The following ATP2A2 variants were observed in gnomAD, a reference collection of about 807,000 sequenced individuals.
ATP2A2 encodes the protein ATPase sarcoplasmic/endoplasmic reticulum Ca2+ transporting 2.
A neutral mutation model predicts 109.3 loss-of-function variants in ATP2A2; 14 were observed. The ratio of observed to expected loss-of-function variants is 0.13; its 90% CI spans 0.08 to 0.20. ATP2A2 has a LOEUF of 0.20. Among genes scored for constraint, ATP2A2 ranks in the 10% least tolerant of loss-of-function variants. The pLI, the probability that ATP2A2 is intolerant of heterozygous loss-of-function variation, is 1.00. For synonymous variants in ATP2A2, 506 were observed against 490.9 expected (o/e 1.03, Z -0.41); for missense variants, 657 against 1,321.6 (o/e 0.50, Z 7.80).
intron 11 of ATP2A2, among the ~76,000 whole-genome samples, chr12:110,334,613 G>C (rs1878659732): frequency 8.5e-6 from 1 of 117,036 alleles, no homozygotes. Flanking sequence ...TTTTGAGACA[G>C]AGTTTCTCTC....
rs573195762 is a variant in ATP2A2 at position 110,326,317 on chromosome 12, G to T, written c.545-73G>T. On this transcript the variant is annotated intron_variant, in intron 6 of 19. Transcript: ENST00000539276. ...GTATCCCAAGAGTGGTAATGGGTGG[G>T]CATGAATGAGAGGTTCTAGGTTCTT... 7.5e-6 allele frequency: 10 copies of T among 1,339,128 alleles called. No homozygotes were observed. The South Asian group carries it at 1.2e-4, about 16-fold the overall frequency. The allele number at this position is 1,339,128 out of a possible 1,614,324, so 83.0% of individuals were successfully genotyped here.
At chr12:110,289,992 A>G (rs1462564953) in intron 3 of ATP2A2, among the ~76,000 whole-genome samples, 1 of 152,178 alleles carries the variant, frequency 6.6e-6, no homozygotes, top group Non-Finnish European at 1.5e-5. Context: ...TGTATGAGCT[A>G]AAAGTTTAAA....
At chr12:110,335,514 CA>C (rs1388175304) in intron 11 of ATP2A2, among the ~76,000 whole-genome samples, 1 of 151,222 alleles carries the variant, frequency 6.6e-6, no homozygotes, top group Non-Finnish European at 1.5e-5. Context: ...GACCCCATCT[CA>C]AAAAAAAATT....
Position 110,347,544 on chromosome 12 carries a change from T to C in ATP2A2, c.*1074T>C, listed in dbSNP as rs1319346791. ...TATGCAAGTTTCTGCTGGCCTGGTA[T>C]AGAGAACATAAGGGCAAGTGTGTAT... On this transcript the variant is annotated 3_prime_UTR_variant, in exon 20 of 20. Transcript: ENST00000539276. 2 of 1,287,948 alleles carry C rather than the reference T, an allele frequency of 1.6e-6. No homozygotes were observed. Among genetic ancestry groups the C allele is most frequent in the Non-Finnish European group, 2.0e-6 (2 of 987,724 alleles). 79.8% of individuals were successfully genotyped at this position (1,287,948 alleles called of 1,614,324 possible).
rs560785647 is a variant in ATP2A2 at position 110,342,356 on chromosome 12, T to C, written c.2226T>C (p.Ile742=). The C allele has an allele frequency of 1.2e-6, 2 of 1,614,224 alleles. No homozygotes were observed. Among genetic ancestry groups the C allele is most frequent in the South Asian group, 1.1e-5 (1 of 91,082 alleles). ...TGGCGGATGACAACTTCTCCACCAT[T>C]GTGGCTGCCGTTGAGGAGGGGCGGG... ...MVLADDNFST[I]VAAVEEGRAI... is the part of the protein sequence containing the mutation. Residue 742 remains isoleucine (I), a synonymous_variant, in exon 15 of 20, where the codon ATT becomes ATC. Transcript: ENST00000539276. The surrounding 1 kb of genome is among the most constrained non-coding windows in gnomAD (Gnocchi z 4.6).
intron 3 of ATP2A2, among the ~76,000 whole-genome samples, chr12:110,285,220 A>G (rs1042380758): frequency 1.3e-5 from 2 of 152,172 alleles, no homozygotes; most frequent in African/African-American, 4.8e-5. Flanking sequence ...ACCTGTAGGG[A>G]TCTAGTTTAA....
In ATP2A2 at chr12:110,281,259, G is replaced by C. The variant is rs1387620476; in HGVS notation, c.-531G>C. Reference sequence around the variant, plus strand: ...GCCGATAAATGCTATTAGAGCAGCCGCCGCGGAGCCGTCCCCGACGCCACC... The same window carrying C: ...GCCGATAAATGCTATTAGAGCAGCCCCCGCGGAGCCGTCCCCGACGCCACC... On this transcript the variant is annotated 5_prime_UTR_variant, in exon 1 of 20. Transcript: ENST00000539276. The C allele has an allele frequency of 1.3e-5, 2 of 151,416 alleles. No individual in the cohort carries two copies. Among genetic ancestry groups the C allele is most frequent in the African/African-American group, 4.8e-5 (2 of 41,340 alleles). The allele number at this position is 151,416 out of a possible 1,614,324, so 9.4% of individuals were successfully genotyped here. A position where few individuals can be genotyped will look rare whatever the true frequency, so the allele number is the denominator to read the frequency against.
chr12:110,302,960 G>C (rs975309827), intron 5 of ATP2A2, among the ~76,000 whole-genome samples: 1 of 152,134 alleles, frequency 6.6e-6, no homozygotes, highest in African/African-American at 2.4e-5. Flanking sequence ...GCTTGCTTTC[G>C]TCTTAAATTG....
intron 5 of ATP2A2, among the ~76,000 whole-genome samples, chr12:110,319,958 T>TGAAC (rs2137795141): frequency 6.6e-6 from 1 of 152,268 alleles, no homozygotes; most frequent in East Asian, 1.9e-4. Flanking sequence ...TGTGTAGAGA[T>TGAAC]GTTCAACAGT....
In ATP2A2 at chr12:110,296,682, T is replaced by C; in HGVS notation, c.408T>C (p.Ser136=). 1.9e-6 allele frequency: 3 copies of C among 1,613,954 alleles called. No homozygotes were observed. The highest frequency in any genetic ancestry group is 1.3e-5 in the African/African-American group (1 of 74,974). The stretch of plus-strand genomic sequence containing the variant: ...AAGTGTATCGACAGGACAGAAAGAG[T>C]GTGCAGCGGATTAAAGCTAAAGACA... ...MGKVYRQDRK[S]VQRIKAKDIV... Residue 136 remains serine, a synonymous_variant, in exon 5 of 20, where the codon AGT becomes AGC. Coordinates refer to ENST00000539276, the MANE Select transcript of ATP2A2 (RefSeq NM_170665.4).
chr12:110,343,153 G>C, intron 15 of ATP2A2, 79 bp from the exon 16 acceptor site: 1 of 1,403,558 alleles, frequency 7.1e-7, no homozygotes, highest in South Asian at 1.2e-5. Flanking sequence ...TCTGGAGGAG[G>C]GCGGGTTGAT....
At chr12:110,323,977 C>T (rs1469047044) in intron 6 of ATP2A2, among the ~76,000 whole-genome samples, 1 of 152,108 alleles carries the variant, frequency 6.6e-6, no homozygotes, top group Non-Finnish European at 1.5e-5. Flanking sequence ...TATCCAAATA[C>T]ACAATGAACA....
chr12:110,323,131 T>C (rs1877414482), intron 6 of ATP2A2, 59 bp downstream of exon 6: 1 of 1,296,282 alleles, frequency 7.7e-7, no homozygotes, highest in Admixed American at 1.7e-5. Context: ...TCCATGCCAA[T>C]AGAGTTGGCT....
intron 3 of ATP2A2, among the ~76,000 whole-genome samples, chr12:110,290,643 C>T (rs528129963): frequency 5.3e-5 from 8 of 152,046 alleles, no homozygotes; most frequent in Non-Finnish European, 1.0e-4. Context: ...CTTGCTCTAA[C>T]GCCCAGGCTG....
rs1592864504 is a variant in ATP2A2, at chr12:110,343,053, T to A, written c.2319-179T>A. On this transcript the variant is annotated intron_variant, in intron 15 of 19. Coordinates refer to ENST00000539276, the MANE Select transcript of ATP2A2 (RefSeq NM_170665.4). ...CCGCACCTGGCCTCAGTCATCTGAA[T>A]TTAAGTAATAAACTAAGTAAAATTG... Among the ~76,000 whole-genome samples the A allele has an allele frequency of 2.6e-5, 4 of 152,370 alleles. No individual in the cohort carries two copies. In the South Asian group the frequency reaches 8.3e-4, roughly 32 times the overall value.
In ATP2A2 at chr12:110,350,070, C is replaced by G; in HGVS notation, c.*3600C>G. ...GAGCCTTTATTCTGTAGCCAGACGACACGAGGAGTCTGTGTCACTGAGCCA... is the reference window on the plus strand; with the variant it reads ...GAGCCTTTATTCTGTAGCCAGACGAGACGAGGAGTCTGTGTCACTGAGCCA... On this transcript the variant is annotated 3_prime_UTR_variant, in exon 20 of 20. Coordinates refer to ENST00000539276, the MANE Select transcript of ATP2A2 (RefSeq NM_170665.4). 1 of 1,437,356 alleles carries G rather than the reference C, an allele frequency of 7.0e-7. No individual in the cohort carries two copies. The highest frequency in any genetic ancestry group is 9.1e-7 in the Non-Finnish European group (1 of 1,101,032). 89.0% of individuals were successfully genotyped at this position (1,437,356 alleles called of 1,614,324 possible).
At position 110,349,147 on chromosome 12, in the gene ATP2A2, C is replaced by T; in HGVS notation, c.*2677C>T. 1.0e-6 allele frequency: 1 copy of T among 985,526 alleles called. No homozygotes were observed. The highest frequency in any genetic ancestry group is 1.2e-6 in the Non-Finnish European group (1 of 830,008). The allele number at this position is 985,526 out of a possible 1,614,324, so 61.0% of individuals were successfully genotyped here. ...AGGCCCACTGCTGTTTTGAGCAGGG[C>T]CACTTGCTCCATTTCACTGAAGGCT... On this transcript the variant is annotated 3_prime_UTR_variant, in exon 20 of 20. Coordinates refer to ENST00000539276, the MANE Select transcript of ATP2A2 (RefSeq NM_170665.4).
At chr12:110,331,508 T>A (rs1878336093) in intron 8 of ATP2A2, 1 of 152,064 alleles carries the variant, frequency 6.6e-6, no homozygotes, top group African/African-American at 2.4e-5. Flanking sequence ...CCCGGCTAAT[T>A]TGTTATATTT....
At chr12:110,334,213 C>T in intron 11 of ATP2A2, 70 bp downstream of exon 11, 1 of 1,571,626 alleles carries the variant, frequency 6.4e-7, no homozygotes, top group Non-Finnish European at 8.7e-7. Flanking sequence ...AGTGTCTGCA[C>T]TGTCCTACTC....
Sources: allele counts gnomAD v4.1 joint callset (sites outside exome capture counted in the v4.1 genomes callset), GRCh38; gene constraint gnomAD v4.1.1; non-coding constraint Gnocchi (gnomAD v3.1); transcripts MANE v1.5; gene names NCBI Gene and HGNC (gene_info 2026-07-23, HGNC 2026-07-21).